The following PCDHGA3 variants were observed in gnomAD, a reference collection of about 807,000 sequenced individuals.
The protein encoded by PCDHGA3 is protocadherin gamma subfamily A, 3.
A neutral mutation model predicts 58.5 loss-of-function variants in PCDHGA3; 40 were observed. The ratio of observed to expected loss-of-function variants is 0.68; its 90% confidence interval spans 0.53 to 0.89. The LOEUF (loss-of-function observed/expected upper bound fraction) is 0.89. Ranked by LOEUF, PCDHGA3 falls within the 40% of genes least tolerant of loss-of-function variation. The probability of loss-of-function intolerance (pLI) is 0.00; values close to 1 mark genes in which losing one functional copy is unlikely to be tolerated. For missense variants in PCDHGA3, 1,223 were observed against 1,195.9 expected, an observed-to-expected ratio of 1.02 and a Z score of -0.33; for synonymous variants, 530 against 525.7, an observed-to-expected ratio of 1.01 and a Z score of -0.11.
intron 1 of PCDHGA3, chr5:141,419,997 T>C: frequency 2.5e-6 from 4 of 1,614,088 alleles, no homozygotes; most frequent in Non-Finnish European, 3.4e-6. Flanking sequence ...GCTATTGCTC[T>C]ACGCCTGCGA....
At chr5:141,449,933 G>A (rs1012332454) in intron 1 of PCDHGA3, among the ~76,000 whole-genome samples, 1 of 149,752 alleles carries the variant, frequency 6.7e-6, no homozygotes, top group African/African-American at 2.5e-5. Flanking sequence ...ATACCTTATA[G>A]TATATTTTAC....
chr5:141,354,817 T>C (rs371536222), intron 1 of PCDHGA3, among the ~76,000 whole-genome samples: 21 of 152,362 alleles, frequency 1.4e-4, no homozygotes, highest in African/African-American at 4.8e-4. Context: ...TAAAGTTTAT[T>C]GTACAGGAAG....
intron 1 of PCDHGA3, chr5:141,427,752 G>A (rs1171502843): frequency 4.5e-6 from 6 of 1,319,552 alleles, no homozygotes; most frequent in South Asian, 1.2e-5. Context: ...CTACTCCATC[G>A]TTACCACTGA....
rs182297545 is a variant in PCDHGA3 at position 141,400,627 on chromosome 5, G to A, written c.2424+54170G>A. ...AAGTCCAATGAGTTGTCTTAGGGAA[G>A]TCAGAGCTGCTCAGAAAGCTGTCCT... On this transcript the variant is annotated intron_variant, in intron 1 of 3. Transcript: ENST00000253812. 46 of 1,441,658 alleles carry A rather than the reference G, an allele frequency of 3.2e-5. 1 individual carries two copies. In the East Asian group the frequency reaches 8.4e-4, roughly 26 times the overall value. 89.3% of individuals were successfully genotyped at this position (1,441,658 alleles called of 1,614,324 possible). A position where few individuals can be genotyped will look rare whatever the true frequency, so the allele number is the denominator to read the frequency against.
At chr5:141,372,238 G>C in intron 1 of PCDHGA3, 4 of 1,613,300 alleles carry the variant, frequency 2.5e-6, no homozygotes, top group Non-Finnish European at 3.4e-6. Flanking sequence ...AGCGAGCCCG[G>C]GCTGTTCAGC....
intron 1 of PCDHGA3, chr5:141,398,312 C>A: frequency 1.5e-6 from 2 of 1,355,208 alleles, no homozygotes; most frequent in East Asian, 2.5e-5. Flanking sequence ...CAGGAGTTAC[C>A]GACTCGAAAA....
chr5:141,387,780 G>T, intron 1 of PCDHGA3: 2 of 1,461,128 alleles, frequency 1.4e-6, no homozygotes, highest in Admixed American at 2.6e-5. Flanking sequence ...TCTTGAACTG[G>T]AACTGCAACT....
At chr5:141,465,978 C>T (rs568961720) in intron 1 of PCDHGA3, among the ~76,000 whole-genome samples, 7 of 151,998 alleles carry the variant, frequency 4.6e-5, no homozygotes, top group South Asian at 2.1e-4. Context: ...AAAAATTAGC[C>T]GGGCATGGTG....
At position 141,345,401 on chromosome 5, in the gene PCDHGA3, C is replaced by G. The variant is rs761724367; in HGVS notation, c.1368C>G (p.Ser456=). The change falls in exon 1 of 4, where the codon TCC becomes TCG. Residue 456 remains serine, a synonymous_variant. Coordinates refer to ENST00000253812, the MANE Select transcript of PCDHGA3 (RefSeq NM_018916.4). ...NDNPPTFPHL[S]YSAYIPENNP... ...ACCCACCCACCTTCCCTCATTTATC[C>G]TACTCCGCCTACATTCCAGAAAACA... is the stretch of plus-strand genomic sequence containing the variant. 1.5e-5 allele frequency: 24 copies of G among 1,614,016 alleles called. No individual in the cohort carries two copies. In the East Asian group the frequency reaches 4.7e-4, roughly 31 times the overall value.
At chr5:141,418,655 G>A in intron 1 of PCDHGA3, 5 of 1,614,002 alleles carry the variant, frequency 3.1e-6, no homozygotes, top group Non-Finnish European at 4.2e-6. Flanking sequence ...GAGAGTGAAG[G>A]CCACTGACCA....
Position 141,505,499 on chromosome 5 carries a change from G to T in PCDHGA3, c.2572+18G>T, listed in dbSNP as rs753203943. 4.3e-6 allele frequency: 7 copies of T among 1,614,172 alleles called. No individual in the cohort carries two copies. The South Asian group carries it at 7.7e-5, about 18-fold the overall frequency. ...CGCCAGTGGTAAGTGGTGTCAGTGTGTGTATGGAAGAGTGGGAGACCTGGG... is the reference window on the plus strand; with the variant it reads ...CGCCAGTGGTAAGTGGTGTCAGTGTTTGTATGGAAGAGTGGGAGACCTGGG... On this transcript the variant is annotated intron_variant, in intron 3 of 3. Coordinates refer to ENST00000253812, the MANE Select transcript of PCDHGA3 (RefSeq NM_018916.4).
intron 1 of PCDHGA3, chr5:141,408,241 G>A: frequency 1.3e-6 from 2 of 1,580,050 alleles, no homozygotes; most frequent in Non-Finnish European, 1.7e-6. Flanking sequence ...GGGCCGGCCC[G>A]CGGCAGGTGC....
chr5:141,399,448 G>A (rs1272959259), intron 1 of PCDHGA3: 5 of 1,613,872 alleles, frequency 3.1e-6, no homozygotes, highest in Non-Finnish European at 4.2e-6. Flanking sequence ...TATCAGAGAC[G>A]TCAACGATAA....
intron 1 of PCDHGA3, chr5:141,394,897 T>C (rs773335725): frequency 3.1e-6 from 5 of 1,613,682 alleles, no homozygotes; most frequent in Non-Finnish European, 4.2e-6. Flanking sequence ...TATCTCGTGG[T>C]GGCAGTGGCT....
At chr5:141,494,195 C>T in intron 1 of PCDHGA3, among the ~76,000 whole-genome samples, 1 of 152,188 alleles carries the variant, frequency 6.6e-6, no homozygotes, top group Non-Finnish European at 1.5e-5. Flanking sequence ...GACTTGGATG[C>T]CCCGCAAAGG....
intron 1 of PCDHGA3, chr5:141,356,982 G>A: frequency 3.7e-6 from 6 of 1,614,238 alleles, no homozygotes; most frequent in Non-Finnish European, 5.1e-6. Flanking sequence ...TGGTGGCAGT[G>A]GACAGAGACT....
At chr5:141,360,765 G>A (rs1194584899) in intron 1 of PCDHGA3, 1 of 1,613,902 alleles carries the variant, frequency 6.2e-7, no homozygotes, top group East Asian at 2.2e-5. Flanking sequence ...TACATCAATT[G>A]GTCCTCACAG....
intron 1 of PCDHGA3, chr5:141,362,500 C>G (rs779723361): frequency 6.2e-7 from 1 of 1,614,012 alleles, no homozygotes; most frequent in South Asian, 1.1e-5. Context: ...CTCTTGGGAA[C>G]AAAATACAAA....
At chr5:141,403,225 C>T (rs2154532251) in intron 1 of PCDHGA3, 2 of 1,613,958 alleles carry the variant, frequency 1.2e-6, no homozygotes, top group Non-Finnish European at 1.7e-6. Flanking sequence ...GTAGGATAGA[C>T]CGGGAGGAGC....
Sources: gnomAD v4.1 joint callset for allele counts (sites outside exome capture counted in the v4.1 genomes callset) on GRCh38, gnomAD v4.1.1 for gene constraint, MANE v1.5 for transcripts, NCBI Gene and HGNC (gene_info 2026-07-23, HGNC 2026-07-21) for gene names.